Variants in THSD7B observed in about 807,000 individuals in gnomAD.
The protein encoded by THSD7B is thrombospondin type-1 domain-containing protein 7B.
In THSD7B, 138 loss-of-function variants were observed where a neutral mutation model predicts 213.6. That is an observed-to-expected ratio of 0.65 (90% CI 0.56 to 0.74). The LOEUF (loss-of-function observed/expected upper bound fraction) is 0.74, where lower values mean the gene tolerates loss of function less well. Ranked by LOEUF, THSD7B falls within the 30% of genes least tolerant of loss-of-function variation. THSD7B has a pLI of 0.00. For missense variants in THSD7B, 1,931 were observed against 1,991.5 expected (o/e 0.97, Z 0.58); for synonymous variants, 742 against 687.0 (o/e 1.08, Z -1.25).
intron 12 of THSD7B, among the ~76,000 whole-genome samples, chr2:137,362,211 C>T: frequency 6.6e-6 from 1 of 152,182 alleles, no homozygotes; most frequent in East Asian, 1.9e-4. Context: ...CCAGGCCTGC[C>T]TTACGAGAAC....
chr2:137,054,031 A>G (rs913893610), intron 2 of THSD7B, among the ~76,000 whole-genome samples: 2 of 152,216 alleles, frequency 1.3e-5, no homozygotes, highest in African/African-American at 4.8e-5. Flanking sequence ...AAACTTCTCT[A>G]GAACATTAGG....
chr2:137,534,671 C>T (rs1168425837), intron 15 of THSD7B, among the ~76,000 whole-genome samples: 1 of 151,190 alleles, frequency 6.6e-6, no homozygotes, highest in Non-Finnish European at 1.5e-5. Context: ...TCTTTTTTAC[C>T]CCAAATTCTA....
At chr2:137,187,211 C>A (rs1033481699) in intron 7 of THSD7B, among the ~76,000 whole-genome samples, 2 of 152,136 alleles carry the variant, frequency 1.3e-5, no homozygotes, top group Non-Finnish European at 2.9e-5. Context: ...TTAGGAACTG[C>A]TCTGCGAGGA....
rs116675163 is a variant in THSD7B at position 136,816,284 on chromosome 2, T to A, written c.-36+50597T>A. On this transcript the variant is annotated intron_variant, in intron 1 of 27. Coordinates refer to ENST00000409968, the MANE Select transcript of THSD7B (RefSeq NM_001316349.2). Reference sequence around the variant, plus strand: ...AGTCAGCTATTACGTAAAGGAGTCCTTACATTCTGGGGATTTGAGAGGCCT... The same window carrying A: ...AGTCAGCTATTACGTAAAGGAGTCCATACATTCTGGGGATTTGAGAGGCCT... Among the ~76,000 whole-genome samples, 292 of 152,312 alleles carry A rather than the reference T, an allele frequency of 1.9e-3. 2 individuals carry two copies. The highest frequency in any genetic ancestry group is 6.6e-3 in the African/African-American group (275 of 41,576).
At chr2:137,173,653 G>C (rs1331522649) in intron 7 of THSD7B, among the ~76,000 whole-genome samples, 1 of 152,170 alleles carries the variant, frequency 6.6e-6, no homozygotes, top group African/African-American at 2.4e-5. Flanking sequence ...CTCATCGTTT[G>C]TGGGGCAATG....
intron 27 of THSD7B, 84 bp from the exon 28 acceptor site, chr2:137,676,440 T>G: frequency 7.9e-7 from 1 of 1,264,404 alleles, no homozygotes; most frequent in Non-Finnish European, 1.1e-6. Context: ...ACCGCTTAAA[T>G]TTCTGTATCT....
chr2:137,387,858 A>G (rs1008734197), intron 12 of THSD7B, among the ~76,000 whole-genome samples: 1 of 152,124 alleles, frequency 6.6e-6, no homozygotes, highest in Admixed American at 6.6e-5. Flanking sequence ...CAGGTTTCCC[A>G]TTGGTTATCA....
At chr2:137,401,511 T>C (rs1209022456) in intron 12 of THSD7B, among the ~76,000 whole-genome samples, 1 of 152,208 alleles carries the variant, frequency 6.6e-6, no homozygotes, top group Non-Finnish European at 1.5e-5. Flanking sequence ...GTGTTTTCAT[T>C]TCCAGTGATC....
intron 15 of THSD7B, among the ~76,000 whole-genome samples, chr2:137,454,388 T>TTCTATCTA (rs144241982): frequency 0.048 from 6,286 of 131,298 alleles, 215 homozygotes; most frequent in South Asian, 0.1. Context: ...TTCAGAGCCA[T>TTCTATCTA]TCTATCTGTC....
intron 5 of THSD7B, among the ~76,000 whole-genome samples, chr2:137,138,983 C>A (rs1290879107): frequency 6.6e-6 from 1 of 152,090 alleles, no homozygotes; most frequent in Admixed American, 6.6e-5. Context: ...TCCCTACTGT[C>A]CCTAAGTATT....
intron 12 of THSD7B, among the ~76,000 whole-genome samples, chr2:137,303,410 A>G (rs1356255981): frequency 6.6e-6 from 1 of 152,004 alleles, no homozygotes; most frequent in Non-Finnish European, 1.5e-5. Flanking sequence ...AATAATATGT[A>G]GAATTCTTTT....
chr2:137,167,383 A>G (rs940606627), intron 6 of THSD7B, among the ~76,000 whole-genome samples: 1 of 151,526 alleles, frequency 6.6e-6, no homozygotes, highest in Non-Finnish European at 1.5e-5. Context: ...TTGTATTTTT[A>G]GTAGAGATGG....
chr2:136,985,828 A>G (rs1417332466), intron 2 of THSD7B, among the ~76,000 whole-genome samples: 1 of 152,254 alleles, frequency 6.6e-6, no homozygotes, highest in Non-Finnish European at 1.5e-5. Flanking sequence ...GAGAGCAGCC[A>G]CAGGGACTGC....
At chr2:137,054,127 G>GGTAAGT (rs1357193666) in intron 2 of THSD7B, among the ~76,000 whole-genome samples, 1 of 152,208 alleles carries the variant, frequency 6.6e-6, no homozygotes, top group Non-Finnish European at 1.5e-5. Flanking sequence ...TACATTACCA[G>GGTAAGT]AATTGTGGGT....
intron 4 of THSD7B, among the ~76,000 whole-genome samples, chr2:137,099,572 A>T (rs1379724065): frequency 6.6e-6 from 1 of 152,150 alleles, no homozygotes; most frequent in African/African-American, 2.4e-5. Flanking sequence ...TCAGCTGCAA[A>T]CATCTTTCTT....
rs892787182 is a variant in THSD7B at position 137,144,184 on chromosome 2, G to A, written c.1370-16029G>A. On this transcript the variant is annotated intron_variant, in intron 5 of 27. Coordinates refer to ENST00000409968, the MANE Select transcript of THSD7B (RefSeq NM_001316349.2). ...TAGAGGGAACAGCTTGGAAAGAAGA[G>A]AATAGGCTGGATTTCAGCTCCAACC... Among the ~76,000 whole-genome samples, 6 of 152,108 alleles carry A rather than the reference G, an allele frequency of 3.9e-5. No homozygotes were observed. The East Asian group carries it at 1.2e-3, about 29-fold the overall frequency.
Position 137,625,954 on chromosome 2 carries a change from CT to C in THSD7B, c.3799+5229del, listed in dbSNP as rs1368939644. 5.9e-5 allele frequency among the ~76,000 whole-genome samples: 9 copies of C among 152,280 alleles called. No individual in the cohort carries two copies. The East Asian group carries it at 1.7e-3, about 29-fold the overall frequency. ...ATTAGTAATATGGATGTGGATGCCC[CT>C]AAAGCTTATAGCTTAGACTCTCCAG... On this transcript the variant is annotated intron_variant, in intron 20 of 27. Coordinates refer to ENST00000409968, the MANE Select transcript of THSD7B (RefSeq NM_001316349.2).
chr2:136,912,321 CAAAAAA>C (rs1159184476), intron 2 of THSD7B, among the ~76,000 whole-genome samples: 68 of 55,822 alleles, frequency 1.2e-3, no homozygotes, highest in African/African-American at 5.8e-3. Context: ...GACTCCATCT[CAAAAAA>C]AAAAAAAAAA....
chr2:137,176,696 G>T (rs1680364431), intron 7 of THSD7B, among the ~76,000 whole-genome samples: 1 of 152,174 alleles, frequency 6.6e-6, no homozygotes, highest in Non-Finnish European at 1.5e-5. Context: ...TCTGTTCACT[G>T]CAGTCTTGCT....
Sources: allele counts gnomAD v4.1 joint callset (sites outside exome capture counted in the v4.1 genomes callset), GRCh38; gene constraint gnomAD v4.1.1; transcripts MANE v1.5; gene names NCBI Gene and HGNC (gene_info 2026-07-23, HGNC 2026-07-21).